Variants in NALF1 observed in about 807,000 individuals in gnomAD.
The protein encoded by NALF1 is family with sequence similarity 155 member A.
In NALF1, 3 loss-of-function variants were observed where a neutral mutation model predicts 48.4. The ratio of observed to expected loss-of-function variants is 0.06; its 90% confidence interval spans 0.03 to 0.16. The LOEUF (loss-of-function observed/expected upper bound fraction) is 0.16, where lower values mean the gene tolerates loss of function less well. Ranked by LOEUF, NALF1 falls within the 10% of genes least tolerant of loss-of-function variation. The pLI, the probability that NALF1 is intolerant of heterozygous loss-of-function variation, is 1.00. For synonymous variants in NALF1, 262 were observed against 245.7 expected, an observed-to-expected ratio of 1.07 and a Z score of -0.62; for missense variants, 526 against 571.5, an observed-to-expected ratio of 0.92 and a Z score of 0.81.
intron 1 of NALF1, among the ~76,000 whole-genome samples, chr13:107,809,898 A>G (rs16971178): frequency 0.055 from 8,331 of 151,934 alleles, 788 homozygotes; most frequent in African/African-American, 0.19. Context: ...AAATAGTTCT[A>G]CCCCTTTTAA....
At chr13:107,179,671 TAAAA>T (rs3071017) in intron 2 of NALF1, among the ~76,000 whole-genome samples, 1 of 137,648 alleles carries the variant, frequency 7.3e-6, no homozygotes. Flanking sequence ...TTTTGAAAAC[TAAAA>T]AAAAAAAAAA....
At chr13:107,271,256 C>A (rs1881158880) in intron 1 of NALF1, among the ~76,000 whole-genome samples, 2 of 151,932 alleles carry the variant, frequency 1.3e-5, no homozygotes, top group Admixed American at 1.3e-4. Flanking sequence ...TCTGGGTGGG[C>A]CTAACTTAAT....
At chr13:107,860,685 G>A (rs538090472) in intron 1 of NALF1, among the ~76,000 whole-genome samples, 4 of 152,326 alleles carry the variant, frequency 2.6e-5, no homozygotes, top group Admixed American at 2.6e-4. Flanking sequence ...GAGCAACACA[G>A]CGGATAAAGA....
intron 1 of NALF1, among the ~76,000 whole-genome samples, chr13:107,675,477 G>T (rs889494270): frequency 2.6e-5 from 4 of 152,210 alleles, no homozygotes; most frequent in Non-Finnish European, 5.9e-5. Flanking sequence ...TCTTCATCAT[G>T]TTGCATTATA....
intron 1 of NALF1, among the ~76,000 whole-genome samples, chr13:107,562,445 C>T (rs1010680595): frequency 3.9e-5 from 6 of 152,188 alleles, no homozygotes; most frequent in Admixed American, 2.0e-4. Context: ...CTGCTGGCTC[C>T]GACCCTGCTG....
At chr13:107,736,838 A>C (rs898648090) in intron 1 of NALF1, among the ~76,000 whole-genome samples, 3 of 152,230 alleles carry the variant, frequency 2.0e-5, no homozygotes, top group African/African-American at 7.2e-5. Flanking sequence ...AGACAGCAGC[A>C]GCCTCCTTCT....
intron 1 of NALF1, among the ~76,000 whole-genome samples, chr13:107,685,711 C>A (rs1243825818): frequency 1.3e-5 from 2 of 152,158 alleles, no homozygotes; most frequent in Non-Finnish European, 2.9e-5. Flanking sequence ...CGATGGATCT[C>A]TAAATGTGCT....
chr13:107,263,287 CACACAT>C (rs1244715278), intron 1 of NALF1, among the ~76,000 whole-genome samples: 1 of 149,106 alleles, frequency 6.7e-6, no homozygotes, highest in East Asian at 2.0e-4. Flanking sequence ...CACACACACA[CACACAT>C]CTCAGTGGAC....
At chr13:107,240,567 AG>A (rs1880446206) in intron 1 of NALF1, among the ~76,000 whole-genome samples, 2 of 152,350 alleles carry the variant, frequency 1.3e-5, no homozygotes, top group South Asian at 4.1e-4. Flanking sequence ...TAGAAAGATA[AG>A]GGCACTCCAT....
intron 1 of NALF1, among the ~76,000 whole-genome samples, chr13:107,477,055 A>T (rs1349712626): frequency 2.6e-5 from 4 of 152,164 alleles, no homozygotes; most frequent in African/African-American, 9.7e-5. Context: ...GTCTAGTGAA[A>T]TAAAAGTCAT....
chr13:107,771,030 A>G (rs147259090), intron 1 of NALF1, among the ~76,000 whole-genome samples: 2 of 152,144 alleles, frequency 1.3e-5, no homozygotes, highest in East Asian at 3.9e-4. Flanking sequence ...ATGTTTCCTC[A>G]AAGGGGCATA....
intron 1 of NALF1, among the ~76,000 whole-genome samples, chr13:107,593,534 G>A (rs947091362): frequency 4.6e-5 from 7 of 151,766 alleles, no homozygotes; most frequent in Non-Finnish European, 7.4e-5. Context: ...ACCCCTAAAT[G>A]AACAGTGATA....
At chr13:107,491,369 A>AT (rs1370745370) in intron 1 of NALF1, among the ~76,000 whole-genome samples, 1 of 152,234 alleles carries the variant, frequency 6.6e-6, no homozygotes, top group Non-Finnish European at 1.5e-5. Flanking sequence ...AGTGAATGAT[A>AT]TCTGTGGAGA....
chr13:107,512,565 T>C (rs1396136683), intron 1 of NALF1, among the ~76,000 whole-genome samples: 3 of 152,054 alleles, frequency 2.0e-5, no homozygotes, highest in Admixed American at 6.6e-5. Context: ...AACAGCTGTA[T>C]TGAAGCAGCT....
At chr13:107,801,541 T>C (rs889510366) in intron 1 of NALF1, among the ~76,000 whole-genome samples, 8 of 152,178 alleles carry the variant, frequency 5.3e-5, no homozygotes, top group African/African-American at 1.9e-4. Flanking sequence ...ATGGTTTTGG[T>C]AGAGCCTTGG....
chr13:107,236,458 C>T (rs1053055715), intron 1 of NALF1, among the ~76,000 whole-genome samples: 9 of 152,148 alleles, frequency 5.9e-5, no homozygotes, highest in African/African-American at 2.2e-4. Flanking sequence ...TTCCCTGGCA[C>T]AGTCCAGAGA....
intron 1 of NALF1, among the ~76,000 whole-genome samples, chr13:107,673,041 A>G (rs971307177): frequency 2.6e-5 from 4 of 152,172 alleles, no homozygotes; most frequent in Non-Finnish European, 5.9e-5. Context: ...ATGCACACCC[A>G]TATCGAACAA....
chr13:107,364,486 G>A (rs1031738196), intron 1 of NALF1, among the ~76,000 whole-genome samples: 20 of 152,300 alleles, frequency 1.3e-4, no homozygotes, highest in African/African-American at 4.1e-4. Context: ...TCAACTGCCC[G>A]TCTTCACTTT....
At chr13:107,189,923 T>A (rs1407338166) in intron 2 of NALF1, among the ~76,000 whole-genome samples, 1 of 152,158 alleles carries the variant, frequency 6.6e-6, no homozygotes, top group Admixed American at 6.5e-5. Flanking sequence ...TCGTGTTGAG[T>A]GCTAGCTACC....
Sources: allele counts gnomAD v4.1 joint callset (sites outside exome capture counted in the v4.1 genomes callset), GRCh38; gene constraint gnomAD v4.1.1; transcripts MANE v1.5; gene names NCBI Gene and HGNC (gene_info 2026-07-23, HGNC 2026-07-21).